Variants in TPST1 observed in about 807,000 individuals in gnomAD.
TPST1 encodes the protein tyrosylprotein sulfotransferase 1.
A neutral mutation model predicts 34.8 loss-of-function variants in TPST1; 20 were observed. The ratio of observed to expected loss-of-function variants is 0.57; its 90% CI spans 0.40 to 0.84. The LOEUF is 0.84. Among genes scored for constraint, TPST1 ranks in the 40% least tolerant of loss-of-function variants. The pLI is 0.00. For missense variants in TPST1, 353 were observed against 455.5 expected (o/e 0.78, Z 2.05); for synonymous variants, 152 against 159.4 (o/e 0.95, Z 0.35).
At chr7:66,243,658 G>C (rs1014339928) in intron 2 of TPST1, among the ~76,000 whole-genome samples, 1 of 140,290 alleles carries the variant, frequency 7.1e-6, no homozygotes, top group African/African-American at 2.7e-5. Flanking sequence ...ATGTTGGCCA[G>C]ACTGGTCTCA....
intron 1 of TPST1, among the ~76,000 whole-genome samples, chr7:66,208,779 A>G (rs1471674105): frequency 6.6e-6 from 1 of 151,928 alleles, no homozygotes; most frequent in Non-Finnish European, 1.5e-5. Context: ...CATTTTTACT[A>G]TTTATAATGT....
At chr7:66,340,641 T>C (rs2116325423) in intron 3 of TPST1, among the ~76,000 whole-genome samples, 1 of 152,072 alleles carries the variant, frequency 6.6e-6, no homozygotes, top group East Asian at 1.9e-4. Flanking sequence ...CCCATTTACA[T>C]AGCTACAAAA....
chr7:66,200,135 T>A, the TPST1 span, among the ~76,000 whole-genome samples: 1 of 152,182 alleles, frequency 6.6e-6, no homozygotes, highest in Admixed American at 6.5e-5. Flanking sequence ...CTAGGTATGT[T>A]GCATAGACTT....
At chr7:66,267,349 CT>C (rs1333388814) in intron 2 of TPST1, among the ~76,000 whole-genome samples, 2 of 152,048 alleles carry the variant, frequency 1.3e-5, no homozygotes, top group African/African-American at 4.8e-5. Flanking sequence ...CAAATTGGTT[CT>C]GTTATTTCAC....
In TPST1 at chr7:66,335,421, C is replaced by T. The variant is rs75136820; in HGVS notation, c.1045-17084C>T. On this transcript the variant is annotated intron_variant, in intron 3 of 5. Transcript: ENST00000304842. ...AGTGAGCCAAGATCGCACCACTGAACGCCAGCCTGGGCAACAGAGCAAAAC... is the reference window on the plus strand; with the variant it reads ...AGTGAGCCAAGATCGCACCACTGAATGCCAGCCTGGGCAACAGAGCAAAAC... 6.5e-3 allele frequency among the ~76,000 whole-genome samples: 982 copies of T among 150,836 alleles called. 3 individuals are homozygous for T. The highest frequency in any genetic ancestry group is 1.0e-2 in the Non-Finnish European group (678 of 67,820).
chr7:66,329,429 CT>C (rs11389260), intron 3 of TPST1, among the ~76,000 whole-genome samples: 13 of 151,270 alleles, frequency 8.6e-5, no homozygotes, highest in African/African-American at 2.2e-4. Flanking sequence ...ACTCACATGG[CT>C]TTTTTTTTAT....
Position 66,342,357 on chromosome 7 carries a change from C to T in TPST1, c.1045-10148C>T, listed in dbSNP as rs544849345. ...CTCAGGGTAAAGAGAAAAATCTCCT[C>T]AAGCTTTAGGTAGGGAGAAGGGGAA... On this transcript the variant is annotated intron_variant, in intron 3 of 5. Transcript: ENST00000304842. Among the ~76,000 whole-genome samples the T allele has an allele frequency of 2.6e-5, 4 of 152,222 alleles. No homozygotes were observed. In the East Asian group the frequency reaches 5.8e-4, roughly 22 times the overall value.
intron 2 of TPST1, among the ~76,000 whole-genome samples, chr7:66,246,179 ATT>A (rs35051150): frequency 8.3e-4 from 77 of 92,384 alleles, no homozygotes; most frequent in African/African-American, 2.6e-3. Flanking sequence ...TGCCTGGCTA[ATT>A]TTTTTTTTTT....
chr7:66,333,427 C>T (rs528423853), intron 3 of TPST1, among the ~76,000 whole-genome samples: 91 of 152,128 alleles, frequency 6.0e-4, no homozygotes, highest in African/African-American at 2.1e-3. Context: ...CGAGAAAGTG[C>T]GTTAGGTTGT....
chr7:66,241,311 G>A lies in TPST1; in HGVS notation c.845+41G>A, dbSNP rs1441113405. On this transcript the variant is annotated intron_variant, in intron 2 of 5. Coordinates refer to ENST00000304842, the MANE Select transcript of TPST1 (RefSeq NM_003596.4). Reference sequence around the variant, plus strand: ...GTTTTTTATTTTGACTCTATATTTAGCTAATAATGATCTATACATATGTAT... The same window carrying A: ...GTTTTTTATTTTGACTCTATATTTAACTAATAATGATCTATACATATGTAT... 6 of 1,559,038 alleles carry A rather than the reference G, an allele frequency of 3.8e-6. No homozygotes were observed. In the South Asian group the frequency reaches 7.5e-5, roughly 20 times the overall value.
intron 4 of TPST1, among the ~76,000 whole-genome samples, chr7:66,354,806 G>A (rs1451484035): frequency 6.6e-6 from 1 of 151,858 alleles, no homozygotes; most frequent in Non-Finnish European, 1.5e-5. Context: ...ACCAGCCTGG[G>A]AAACATAGCC....
At chr7:66,357,933 A>G (rs1173410365) in intron 5 of TPST1, among the ~76,000 whole-genome samples, 1 of 152,150 alleles carries the variant, frequency 6.6e-6, no homozygotes, top group East Asian at 1.9e-4. Flanking sequence ...AAAATACAAA[A>G]ATTAGCTGGG....
Position 66,240,464 on chromosome 7 carries a change from T to G in TPST1, c.39T>G (p.Cys13Trp). The G allele has an allele frequency of 6.2e-7, 1 of 1,614,156 alleles. No individual in the cohort carries two copies. The change falls in exon 2 of 6, where the codon TGT (cysteine) becomes TGG (tryptophan). Residue 13 changes from cysteine (C) to tryptophan (W), a missense_variant. By Grantham distance (215) the Cys-to-Trp change is radical. Coordinates refer to ENST00000304842, the MANE Select transcript of TPST1 (RefSeq NM_003596.4). The part of the protein sequence containing the change: ...GKLKQNLLLA[C>W]LVISSVTVFY... ...TGAAGCAGAACTTACTATTGGCATG[T>G]CTGGTGATTAGTTCTGTGACTGTGT...
intron 3 of TPST1, among the ~76,000 whole-genome samples, chr7:66,318,177 A>T (rs1003330808): frequency 9.2e-5 from 14 of 151,986 alleles, no homozygotes; most frequent in East Asian, 3.8e-4. Context: ...TAAATAAATA[A>T]ATATATATTA....
intron 2 of TPST1, among the ~76,000 whole-genome samples, chr7:66,247,920 C>T (rs907952147): frequency 7.9e-5 from 12 of 152,128 alleles, no homozygotes; most frequent in African/African-American, 2.9e-4. Flanking sequence ...ACCCTCTTGA[C>T]CATATAATGG....
At chr7:66,349,835 A>G (rs1405564982) in intron 3 of TPST1, among the ~76,000 whole-genome samples, 1 of 152,106 alleles carries the variant, frequency 6.6e-6, no homozygotes, top group Admixed American at 6.6e-5. Context: ...AAAACCCAAA[A>G]CAAATAAAAC....
chr7:66,246,179 ATTTTTTTT>A (rs35051150), intron 2 of TPST1, among the ~76,000 whole-genome samples: 57,098 of 93,714 alleles, frequency 0.61, 15,638 homozygotes, highest in African/African-American at 0.67. Context: ...TGCCTGGCTA[ATTTTTTTT>A]TTTTTTTTTT....
intron 3 of TPST1, among the ~76,000 whole-genome samples, chr7:66,310,311 G>A (rs1791505039): frequency 6.6e-6 from 1 of 152,162 alleles, no homozygotes; most frequent in African/African-American, 2.4e-5. Context: ...GCTTAGCCCT[G>A]CTGCAGCCAC....
intron 2 of TPST1, among the ~76,000 whole-genome samples, chr7:66,279,457 TA>T (rs1790888835): frequency 6.6e-6 from 1 of 152,234 alleles, no homozygotes; most frequent in Admixed American, 6.5e-5. Context: ...GTAAGGGGGT[TA>T]CTGGGTCTAA....
Sources: gnomAD v4.1 joint callset for allele counts (sites outside exome capture counted in the v4.1 genomes callset) on GRCh38, gnomAD v4.1.1 for gene constraint, MANE v1.5 for transcripts, NCBI Gene and HGNC (gene_info 2026-07-23, HGNC 2026-07-21) for gene names.